The following DUSP16 variants were observed in gnomAD, a reference collection of about 807,000 sequenced individuals.
DUSP16 encodes the protein dual specificity phosphatase 16.
In DUSP16, 21 loss-of-function variants were observed where a neutral mutation model predicts 58.3. That is an observed-to-expected ratio of 0.36 (90% confidence interval 0.26 to 0.52). The LOEUF is 0.52. Ranked by LOEUF, DUSP16 falls within the 20% of genes least tolerant of loss-of-function variation. DUSP16 has a pLI of 0.94. For synonymous variants in DUSP16, 320 were observed against 323.8 expected (o/e 0.99, Z 0.12); for missense variants, 726 against 819.0 (o/e 0.89, Z 1.39).
intron 4 of DUSP16, among the ~76,000 whole-genome samples, chr12:12,491,968 A>G (rs1323818280): frequency 6.6e-6 from 1 of 152,088 alleles, no homozygotes; most frequent in East Asian, 1.9e-4. Context: ...TCCTTGCCCA[A>G]TGTAAATTCT....
intron 3 of DUSP16, among the ~76,000 whole-genome samples, chr12:12,517,850 C>A (rs1944176986): frequency 6.6e-6 from 1 of 152,248 alleles, no homozygotes; most frequent in African/African-American, 2.4e-5. Context: ...CTAAGAAACA[C>A]TTCCTGTTTG....
intron 1 of DUSP16, among the ~76,000 whole-genome samples, chr12:12,555,868 C>T (rs1944798231): frequency 6.6e-6 from 1 of 151,980 alleles, no homozygotes; most frequent in African/African-American, 2.4e-5. Flanking sequence ...ATAGCAAGAC[C>T]CTGTCTCTAC....
intron 1 of DUSP16, among the ~76,000 whole-genome samples, chr12:12,551,137 T>C (rs1331616003): frequency 2.0e-5 from 3 of 152,102 alleles, no homozygotes; most frequent in Non-Finnish European, 4.4e-5. Flanking sequence ...AATTTACACT[T>C]ATTCAGACTT....
In DUSP16 at chr12:12,520,887, T is replaced by C. The variant is rs1944225468; in HGVS notation, c.212A>G (p.His71Arg). ...AGCGTTTACCTTATGTTTCGCTGAA[T>C]GCTGGATGAGCTCTGTAATTAACAC... is the stretch of plus-strand genomic sequence containing the variant. ...DKVLITELIQ[H>R]SAKHKVDIDC... The change falls in exon 2 of 7, where the codon CAT becomes CGT. Residue 71 changes from histidine (H) to arginine (R), a missense_variant. By Grantham distance (29) the His-to-Arg change is conservative. Transcript: ENST00000298573. 2.5e-6 allele frequency: 4 copies of C among 1,614,128 alleles called. No homozygotes were observed. The highest frequency in any genetic ancestry group is 1.7e-5 in the Admixed American group (1 of 60,014).
intron 3 of DUSP16, among the ~76,000 whole-genome samples, chr12:12,502,310 T>C (rs1297961758): frequency 6.6e-6 from 1 of 152,144 alleles, no homozygotes; most frequent in Non-Finnish European, 1.5e-5. Context: ...TGCAACAAGT[T>C]AGAATGGTAG....
intron 1 of DUSP16, among the ~76,000 whole-genome samples, chr12:12,531,897 G>A (rs992306151): frequency 5.9e-5 from 9 of 151,294 alleles, no homozygotes; most frequent in East Asian, 2.0e-4. Flanking sequence ...GGTGGCTCAC[G>A]CCTGTAATCC....
At chr12:12,546,635 C>T (rs1264000373) in intron 1 of DUSP16, among the ~76,000 whole-genome samples, 2 of 152,218 alleles carry the variant, frequency 1.3e-5, no homozygotes, top group East Asian at 3.8e-4. Context: ...AAAGACAACA[C>T]TAGATAGACA....
At chr12:12,487,231 T>TA in intron 4 of DUSP16, 44 bp from the exon 5 acceptor site, 1 of 1,584,996 alleles carries the variant, frequency 6.3e-7, no homozygotes, top group Non-Finnish European at 8.6e-7. Flanking sequence ...AATAATATAG[T>TA]AAACATGATC....
intron 3 of DUSP16, among the ~76,000 whole-genome samples, chr12:12,504,569 G>A (rs1399003757): frequency 6.6e-6 from 1 of 151,856 alleles, no homozygotes; most frequent in Non-Finnish European, 1.5e-5. Flanking sequence ...GCCAGTTCTG[G>A]TGTTTCTCTA....
At chr12:12,522,192 G>A (rs1055785663) in intron 1 of DUSP16, among the ~76,000 whole-genome samples, 5 of 152,142 alleles carry the variant, frequency 3.3e-5, no homozygotes, top group Admixed American at 1.3e-4. Flanking sequence ...GTCTCCTTCC[G>A]GAGGCCATCT....
rs180805094 is a variant in DUSP16 at position 12,536,932 on chromosome 12, G to A, written c.-365-15469C>T. Among the ~76,000 whole-genome samples the A allele has an allele frequency of 5.9e-3, 896 of 152,136 alleles. 5 individuals carry two copies. The highest frequency in any genetic ancestry group is 0.01 in the Non-Finnish European group (686 of 68,000). On this transcript the variant is annotated intron_variant, in intron 1 of 6. Transcript: ENST00000298573. ...CGCATTCCTGTAAGCCCAGCTACTC[G>A]GGAGGCTGAGGCAGGAGAATTGCTT...
At chr12:12,502,484 A>G (rs1592178578) in intron 3 of DUSP16, among the ~76,000 whole-genome samples, 1 of 152,158 alleles carries the variant, frequency 6.6e-6, no homozygotes, top group South Asian at 2.1e-4. Flanking sequence ...GATCCATTAT[A>G]GAAATCACAA....
At chr12:12,511,224 T>C (rs1477956868) in intron 3 of DUSP16, among the ~76,000 whole-genome samples, 1 of 152,076 alleles carries the variant, frequency 6.6e-6, no homozygotes, top group African/African-American at 2.4e-5. Flanking sequence ...GGAATAACAT[T>C]CAACTGACTT....
At chr12:12,523,320 A>T (rs1944260891) in intron 1 of DUSP16, among the ~76,000 whole-genome samples, 1 of 152,206 alleles carries the variant, frequency 6.6e-6, no homozygotes, top group African/African-American at 2.4e-5. Flanking sequence ...CAGGAGGAAA[A>T]ATACCCTACA....
At chr12:12,495,843 C>T (rs1055338010) in intron 4 of DUSP16, among the ~76,000 whole-genome samples, 2 of 152,224 alleles carry the variant, frequency 1.3e-5, no homozygotes, top group Admixed American at 1.3e-4. Flanking sequence ...CTTCCTCAAA[C>T]GACAAAACAC....
chr12:12,541,134 T>C (rs1420506446), intron 1 of DUSP16, among the ~76,000 whole-genome samples: 1 of 151,820 alleles, frequency 6.6e-6, no homozygotes, highest in Admixed American at 6.6e-5. Context: ...AATTTCTCTA[T>C]TTTTAGTAGA....
At position 12,480,231 on chromosome 12, in the gene DUSP16, T is replaced by G; in HGVS notation, c.807A>C (p.Glu269Asp). 6.2e-7 allele frequency: 1 copy of G among 1,613,908 alleles called. No homozygotes were observed. The highest frequency in any genetic ancestry group is 8.5e-7 in the Non-Finnish European group (1 of 1,179,924). ...CATTTTCCTGCCCTCACCTGTAAGCTTCATCTAAAGACATGTCCATCCTCT... is the reference window on the plus strand; with the variant it reads ...CATTTTCCTGCCCTCACCTGTAAGCGTCATCTAAAGACATGTCCATCCTCT... ...IMKRMDMSLD[E>D]AYRFVKEKRP... Residue 269 changes from glutamate (E) to aspartate (D), a missense_variant, in exon 6 of 7, where the codon GAA (glutamate) becomes GAC (aspartate). Physicochemically the swap from Glu to Asp is conservative, Grantham distance 45 (BLOSUM62 2). Coordinates refer to ENST00000298573, the MANE Select transcript of DUSP16 (RefSeq NM_030640.3).
At chr12:12,520,758 C>T in intron 2 of DUSP16, 113 bp downstream of exon 2, 4 of 1,299,672 alleles carry the variant, frequency 3.1e-6, no homozygotes, top group Non-Finnish European at 4.2e-6. Context: ...ATTTAAAAAG[C>T]AACCAAAACT....
intron 3 of DUSP16, among the ~76,000 whole-genome samples, chr12:12,504,565 T>A (rs1365652078): frequency 6.6e-6 from 1 of 152,066 alleles, no homozygotes; most frequent in African/African-American, 2.4e-5. Flanking sequence ...CCCTGCCAGT[T>A]CTGGTGTTTC....
Sources: gnomAD v4.1 joint callset for allele counts (sites outside exome capture counted in the v4.1 genomes callset) on GRCh38, gnomAD v4.1.1 for gene constraint, MANE v1.5 for transcripts, NCBI Gene and HGNC (gene_info 2026-07-23, HGNC 2026-07-21) for gene names.